Variants in CACNA2D3 observed in about 807,000 individuals in gnomAD.
The protein encoded by CACNA2D3 is calcium voltage-gated channel auxiliary subunit alpha2delta 3, also known as voltage-dependent calcium channel subunit alpha-2/delta-3.
CACNA2D3 carries 60 observed loss-of-function variants against 160.6 expected under a neutral mutation model. The observed-to-expected ratio is 0.37, with a 90% CI of 0.30 to 0.46. CACNA2D3 has a LOEUF of 0.46. CACNA2D3 is among the 20% of genes least tolerant of loss of function. CACNA2D3 has a pLI of 1.00. For missense variants in CACNA2D3, 1,205 were observed against 1,365.0 expected, an observed-to-expected ratio of 0.88 and a Z score of 1.85; for synonymous variants, 558 against 492.9, an observed-to-expected ratio of 1.13 and a Z score of -1.75.
At chr3:54,852,561 C>A (rs1172688147) in intron 17 of CACNA2D3, among the ~76,000 whole-genome samples, 2 of 152,216 alleles carry the variant, frequency 1.3e-5, no homozygotes, top group African/African-American at 4.8e-5. Context: ...ATGGCACTCG[C>A]CTTTCCCTGT....
Position 54,893,190 on chromosome 3 carries a change from C to T in CACNA2D3, c.2246+1740C>T, listed in dbSNP as rs951054131. Among the ~76,000 whole-genome samples, 5 of 152,230 alleles carry T rather than the reference C, an allele frequency of 3.3e-5. No individual in the cohort carries two copies. In the East Asian group the frequency reaches 9.7e-4, roughly 29 times the overall value. ...ACTCAGGAGGCTGAGGTAGGAGAAT[C>T]ACTTGAACCCGGGAGGTGAAGGCTG... On this transcript the variant is annotated intron_variant, in intron 25 of 37. Transcript: ENST00000474759.
chr3:54,784,650 C>T (rs1039332618), intron 13 of CACNA2D3, among the ~76,000 whole-genome samples: 1 of 151,868 alleles, frequency 6.6e-6, no homozygotes, highest in African/African-American at 2.4e-5. Context: ...GTAGGGAGTC[C>T]AGTGCAGAGT....
chr3:54,463,318 G>C (rs1700543933), intron 4 of CACNA2D3, among the ~76,000 whole-genome samples: 1 of 152,072 alleles, frequency 6.6e-6, no homozygotes, highest in African/African-American at 2.4e-5. Context: ...TCTGAATGTT[G>C]GCTTGCCTTG....
intron 12 of CACNA2D3, among the ~76,000 whole-genome samples, chr3:54,763,737 G>GTGCATATATATACACA (rs1702139014): frequency 1.1e-5 from 1 of 93,338 alleles, no homozygotes; most frequent in African/African-American, 3.6e-5. Context: ...ATATATATGT[G>GTGCATATATATACACA]TATATATGTG....
At chr3:54,511,344 G>A (rs1205811755) in intron 5 of CACNA2D3, among the ~76,000 whole-genome samples, 1 of 151,986 alleles carries the variant, frequency 6.6e-6, no homozygotes, top group African/African-American at 2.4e-5. Flanking sequence ...GGAGGCAGGG[G>A]CTGTGTTTTT....
chr3:54,946,310 G>C (rs1388944648), intron 27 of CACNA2D3, among the ~76,000 whole-genome samples: 1 of 152,130 alleles, frequency 6.6e-6, no homozygotes, highest in Admixed American at 6.6e-5. Flanking sequence ...TACCCATCCT[G>C]TACATGTCTT....
chr3:55,031,076 G>A (rs1053515112), intron 35 of CACNA2D3, among the ~76,000 whole-genome samples: 30 of 152,290 alleles, frequency 2.0e-4, no homozygotes, highest in Middle Eastern at 6.8e-3. Context: ...CTTCCATGCC[G>A]GAGGGTAGGA....
intron 2 of CACNA2D3, among the ~76,000 whole-genome samples, chr3:54,140,322 G>A (rs1377762742): frequency 6.6e-6 from 1 of 152,208 alleles, no homozygotes; most frequent in East Asian, 1.9e-4. Flanking sequence ...CTCTAAGGAG[G>A]AGGCAGCCAC....
intron 11 of CACNA2D3, among the ~76,000 whole-genome samples, chr3:54,726,770 G>A (rs1257212125): frequency 6.6e-6 from 1 of 152,182 alleles, no homozygotes; most frequent in Non-Finnish European, 1.5e-5. Flanking sequence ...AACTCAAGGT[G>A]GATCAAAGAC....
intron 3 of CACNA2D3, chr3:54,367,576 TG>T: frequency 2.6e-6 from 1 of 380,236 alleles, no homozygotes; most frequent in Middle Eastern, 3.6e-4. Flanking sequence ...AAAAACACCA[TG>T]GGGGAGTTAA....
At chr3:54,267,181 A>G (rs904245868) in intron 2 of CACNA2D3, among the ~76,000 whole-genome samples, 9 of 152,216 alleles carry the variant, frequency 5.9e-5, no homozygotes, top group African/African-American at 1.4e-4. Context: ...TTGAGAAACA[A>G]TAGTTTTGTG....
At chr3:54,739,443 A>C (rs1271510059) in intron 11 of CACNA2D3, among the ~76,000 whole-genome samples, 1 of 136,142 alleles carries the variant, frequency 7.3e-6, no homozygotes, top group South Asian at 2.4e-4. Flanking sequence ...AAAAAAAAAC[A>C]AAAAAAAAAA....
At chr3:54,674,202 C>G (rs1334024016) in intron 11 of CACNA2D3, among the ~76,000 whole-genome samples, 3 of 152,174 alleles carry the variant, frequency 2.0e-5, no homozygotes, top group African/African-American at 7.2e-5. Context: ...TTTGAAGATG[C>G]TTGGAACATA....
chr3:54,669,137 T>C (rs1700116201), intron 11 of CACNA2D3, among the ~76,000 whole-genome samples: 1 of 152,232 alleles, frequency 6.6e-6, no homozygotes, highest in South Asian at 2.1e-4. Flanking sequence ...ATGAGCATGC[T>C]ACTGTACAGT....
At chr3:54,503,715 G>A (rs1701326961) in intron 5 of CACNA2D3, 61 bp downstream of exon 5, 2 of 1,492,814 alleles carry the variant, frequency 1.3e-6, no homozygotes, top group South Asian at 2.3e-5. Flanking sequence ...GAGAAGCAGG[G>A]GCTGGCTGGT....
chr3:54,226,653 G>A (rs1294316460), intron 2 of CACNA2D3, among the ~76,000 whole-genome samples: 1 of 152,006 alleles, frequency 6.6e-6, no homozygotes, highest in African/African-American at 2.4e-5. Flanking sequence ...TGGCTGCCTT[G>A]GTAGCTCTGA....
chr3:54,812,504 G>A (rs1477999291), intron 13 of CACNA2D3, among the ~76,000 whole-genome samples: 2 of 152,134 alleles, frequency 1.3e-5, no homozygotes, highest in African/African-American at 4.8e-5. Flanking sequence ...GAGAGAGCAC[G>A]GACAGTCTTC....
In CACNA2D3 at chr3:54,898,623, C is replaced by A. The variant is rs963801716; in HGVS notation, c.2369-1165C>A. Among the ~76,000 whole-genome samples, 7 of 152,176 alleles carry A rather than the reference C, an allele frequency of 4.6e-5. No individual in the cohort carries two copies. In the South Asian group the frequency reaches 1.0e-3, roughly 23 times the overall value. Reference sequence around the variant, plus strand: ...AATAATAACATTGTCTTCTGTCAAGCAATCTCTTAAGACTTCCTTGTCACA... The same window carrying A: ...AATAATAACATTGTCTTCTGTCAAGAAATCTCTTAAGACTTCCTTGTCACA... On this transcript the variant is annotated intron_variant, in intron 26 of 37. Coordinates refer to ENST00000474759, the MANE Select transcript of CACNA2D3 (RefSeq NM_018398.3).
chr3:54,814,431 G>C (rs954476341), intron 13 of CACNA2D3, among the ~76,000 whole-genome samples: 1 of 152,198 alleles, frequency 6.6e-6, no homozygotes, highest in Non-Finnish European at 1.5e-5. Context: ...CTGGCCCCTA[G>C]GGCAGGGCCC....
Sources: gnomAD v4.1 joint callset for allele counts (sites outside exome capture counted in the v4.1 genomes callset) on GRCh38, gnomAD v4.1.1 for gene constraint, MANE v1.5 for transcripts, NCBI Gene and HGNC (gene_info 2026-07-23, HGNC 2026-07-21) for gene names.